Variants in SLC24A3 observed in about 807,000 individuals in gnomAD.
The protein encoded by SLC24A3 is solute carrier family 24 member 3.
SLC24A3 carries 28 observed loss-of-function variants against 75.8 expected under a neutral mutation model. That is an observed-to-expected ratio of 0.37 (90% confidence interval 0.27 to 0.51). The LOEUF (loss-of-function observed/expected upper bound fraction) is 0.51, where lower values mean the gene tolerates loss of function less well. Ranked by LOEUF, SLC24A3 falls within the 20% of genes least tolerant of loss-of-function variation. The probability of loss-of-function intolerance (pLI) is 0.94; values close to 1 mark genes in which losing one functional copy is unlikely to be tolerated. For synonymous variants in SLC24A3, 372 were observed against 334.1 expected (o/e 1.11, Z -1.24); for missense variants, 663 against 847.8 (o/e 0.78, Z 2.71).
chr20:19,525,903 G>A (rs6112443), intron 3 of SLC24A3, among the ~76,000 whole-genome samples: 16,246 of 152,154 alleles, frequency 0.11, 944 homozygotes, highest in South Asian at 0.12. Flanking sequence ...CATGCCTCAC[G>A]AGGGTCCTCT....
intron 2 of SLC24A3, among the ~76,000 whole-genome samples, chr20:19,449,533 C>G (rs2122479667): frequency 6.6e-6 from 1 of 152,316 alleles, no homozygotes; most frequent in East Asian, 1.9e-4. Flanking sequence ...TCAAGTCTTG[C>G]CAGCCACAGT....
At chr20:19,431,721 C>CAAAA (rs5840841) in intron 2 of SLC24A3, among the ~76,000 whole-genome samples, 3 of 148,074 alleles carry the variant, frequency 2.0e-5, no homozygotes, top group African/African-American at 7.4e-5. Flanking sequence ...AGATTCACTT[C>CAAAA]AAAAAAAAAA....
At chr20:19,678,583 G>A (rs1179664942) in intron 9 of SLC24A3, among the ~76,000 whole-genome samples, 6 of 144,778 alleles carry the variant, frequency 4.1e-5, no homozygotes, top group East Asian at 2.1e-4. Flanking sequence ...CCCAGTAGGG[G>A]CGGCTGGGCA....
At chr20:19,294,597 A>G (rs1328355374) in intron 2 of SLC24A3, among the ~76,000 whole-genome samples, 1 of 152,092 alleles carries the variant, frequency 6.6e-6, no homozygotes, top group Admixed American at 6.5e-5. Context: ...CCATATATAT[A>G]TATGCAAAGG....
intron 2 of SLC24A3, among the ~76,000 whole-genome samples, chr20:19,381,317 TTAAA>T (rs1986176850): frequency 6.6e-6 from 1 of 152,028 alleles, no homozygotes. Context: ...ACAAATAAAA[TTAAA>T]TAAAGGAATG....
chr20:19,709,052 C>G (rs1452813799), intron 15 of SLC24A3, among the ~76,000 whole-genome samples: 1 of 152,100 alleles, frequency 6.6e-6, no homozygotes, highest in Non-Finnish European at 1.5e-5. Context: ...GGAAGGCAGC[C>G]CACAGCGGCT....
chr20:19,356,977 A>C (rs2122333490), intron 2 of SLC24A3, among the ~76,000 whole-genome samples: 1 of 152,278 alleles, frequency 6.6e-6, no homozygotes, highest in South Asian at 2.1e-4. Context: ...CCAAAGAGAG[A>C]AGGTCCTAAT....
intron 6 of SLC24A3, among the ~76,000 whole-genome samples, chr20:19,595,798 G>A (rs1157991927): frequency 6.6e-6 from 1 of 152,198 alleles, no homozygotes; most frequent in Non-Finnish European, 1.5e-5. Flanking sequence ...CAATGGGATG[G>A]GTGGTGAACA....
chr20:19,224,489 C>T (rs904964213), intron 1 of SLC24A3, among the ~76,000 whole-genome samples: 5 of 152,252 alleles, frequency 3.3e-5, no homozygotes, highest in Admixed American at 6.5e-5. Flanking sequence ...GGTATGGTAA[C>T]CTGAACTACG....
At chr20:19,363,912 G>T (rs1985838692) in intron 2 of SLC24A3, among the ~76,000 whole-genome samples, 1 of 152,150 alleles carries the variant, frequency 6.6e-6, no homozygotes, top group Admixed American at 6.5e-5. Flanking sequence ...AAGCAATGAG[G>T]CTGAGTGTCT....
chr20:19,548,282 A>G (rs2030634775), intron 3 of SLC24A3, among the ~76,000 whole-genome samples: 1 of 152,188 alleles, frequency 6.6e-6, no homozygotes. Flanking sequence ...CTTGGCCTCC[A>G]ATGTAAGTTT....
intron 3 of SLC24A3, among the ~76,000 whole-genome samples, chr20:19,565,461 C>G (rs1226513233): frequency 6.6e-6 from 1 of 152,106 alleles, no homozygotes; most frequent in East Asian, 1.9e-4. Context: ...GAAAGTCCAG[C>G]TGCTTTGCCT....
intron 2 of SLC24A3, among the ~76,000 whole-genome samples, chr20:19,501,562 C>A (rs541253142): frequency 5.7e-4 from 87 of 152,322 alleles, no homozygotes; most frequent in Middle Eastern, 3.4e-3. Flanking sequence ...GAAAGTAGAA[C>A]ACAATTTTAC....
intron 2 of SLC24A3, among the ~76,000 whole-genome samples, chr20:19,386,917 T>A (rs1015477799): frequency 1.3e-5 from 2 of 152,178 alleles, no homozygotes; most frequent in Non-Finnish European, 2.9e-5. Flanking sequence ...TAAGGAGGAT[T>A]GGTATTCATT....
intron 3 of SLC24A3, among the ~76,000 whole-genome samples, chr20:19,539,374 G>T (rs969028771): frequency 6.6e-6 from 1 of 152,132 alleles, no homozygotes; most frequent in Non-Finnish European, 1.5e-5. Context: ...TGGGGGCAGG[G>T]TTCCTTCACA....
intron 2 of SLC24A3, among the ~76,000 whole-genome samples, chr20:19,474,164 A>G (rs1224708731): frequency 1.3e-5 from 2 of 152,300 alleles, no homozygotes; most frequent in East Asian, 3.9e-4. Flanking sequence ...GGTGTCAGCT[A>G]CTTCTAAAAT....
At chr20:19,655,042 C>T (rs2032250194) in intron 7 of SLC24A3, among the ~76,000 whole-genome samples, 2 of 152,202 alleles carry the variant, frequency 1.3e-5, no homozygotes, top group Admixed American at 6.5e-5. Flanking sequence ...TGAGATTAAA[C>T]TGACCTTTCC....
At chr20:19,243,371 C>T (rs1982390064) in intron 1 of SLC24A3, among the ~76,000 whole-genome samples, 3 of 152,198 alleles carry the variant, frequency 2.0e-5, no homozygotes, top group Non-Finnish European at 2.9e-5. Context: ...TCAGAAACAT[C>T]TAGATAATTC....
chr20:19,452,139 A>G (rs946878700), intron 2 of SLC24A3, among the ~76,000 whole-genome samples: 8 of 152,182 alleles, frequency 5.3e-5, no homozygotes, highest in Non-Finnish European at 1.0e-4. Flanking sequence ...CTTATCCCAC[A>G]AGTGCAGTAG....
Sources: gnomAD v4.1 joint callset for allele counts (sites outside exome capture counted in the v4.1 genomes callset) on GRCh38, gnomAD v4.1.1 for gene constraint, MANE v1.5 for transcripts, NCBI Gene and HGNC (gene_info 2026-07-23, HGNC 2026-07-21) for gene names.